C10orf71: variants seen among roughly 807,000 people sequenced by gnomAD.
The protein encoded by C10orf71 is cardiac-enriched FHL2-interacting protein.
For missense variants in C10orf71, 1,869 were observed against 1,804.5 expected (o/e 1.04, Z -0.65); for synonymous variants, 758 against 726.3 (o/e 1.04, Z -0.70).
At position 49,326,589 on chromosome 10, in the gene C10orf71, G is replaced by T; in HGVS notation, c.4044G>T (p.Pro1348=). 1 of 1,550,332 alleles carries T rather than the reference G, an allele frequency of 6.5e-7. No homozygotes were observed. Reference sequence around the variant, plus strand: ...CAGTGCCCGTGACGGCCTTGATGCCGCTGCGCTGCTCCTCTCAGCTCTCCG... The same window carrying T: ...CAGTGCCCGTGACGGCCTTGATGCCTCTGCGCTGCTCCTCTCAGCTCTCCG... ...FQPVPVTALM[P]LRCSSQLSAP... Residue 1348 remains proline (P), a synonymous_variant, in exon 3 of 3, where the codon CCG becomes CCT. Transcript: ENST00000374144.
chr10:49,325,542 G>C lies in C10orf71; in HGVS notation c.2997G>C (p.Trp999Cys), dbSNP rs1849212472. The change falls in exon 3 of 3, where the codon TGG becomes TGC. Residue 999 changes from tryptophan to cysteine, a missense_variant. By Grantham distance (215) the Trp-to-Cys change is radical (BLOSUM62 -2). Transcript: ENST00000374144. Reference sequence around the variant, plus strand: ...ACTCAGGGAAGCTGGCAGCCCCATGGCACATCCCCACCATTGCTTTACCCG... The same window carrying C: ...ACTCAGGGAAGCTGGCAGCCCCATGCCACATCCCCACCATTGCTTTACCCG... ...SADSGKLAAPWHIPTIALPEG... is the reference protein window; with the variant it reads ...SADSGKLAAPCHIPTIALPEG... 6 of 1,550,440 alleles carry C rather than the reference G, an allele frequency of 3.9e-6. No homozygotes were observed. The East Asian group carries it at 1.5e-4, about 38-fold the overall frequency.
At chr10:49,315,260 G>A (rs1306235551) in intron 1 of C10orf71, among the ~76,000 whole-genome samples, 1 of 152,166 alleles carries the variant, frequency 6.6e-6, no homozygotes, top group African/African-American at 2.4e-5. Flanking sequence ...ATATCCAGGA[G>A]CTACAAGCTG....
intron 2 of C10orf71, among the ~76,000 whole-genome samples, chr10:49,317,662 A>T (rs1849022273): frequency 6.6e-6 from 1 of 152,142 alleles, no homozygotes; most frequent in African/African-American, 2.4e-5. Flanking sequence ...ACAAGCCAGA[A>T]CAACATGGTG....
intron 2 of C10orf71, among the ~76,000 whole-genome samples, chr10:49,319,031 C>A (rs903735476): frequency 1.3e-5 from 2 of 152,328 alleles, no homozygotes; most frequent in African/African-American, 4.8e-5. Flanking sequence ...CTCAGCTCTG[C>A]TGCTGTGAAT....
intron 1 of C10orf71, among the ~76,000 whole-genome samples, chr10:49,309,911 T>G (rs944954468): frequency 6.6e-6 from 1 of 152,228 alleles, no homozygotes; most frequent in African/African-American, 2.4e-5. Flanking sequence ...CCATCTCCAC[T>G]GTCTTCCTGT....
At chr10:49,301,557 T>C (rs1240871494) in intron 1 of C10orf71, among the ~76,000 whole-genome samples, 1 of 152,136 alleles carries the variant, frequency 6.6e-6, no homozygotes, top group Non-Finnish European at 1.5e-5. Context: ...ATTTAAGTCA[T>C]TGGTATCACT....
intron 2 of C10orf71, among the ~76,000 whole-genome samples, chr10:49,317,832 C>T (rs1849024996): frequency 6.6e-6 from 1 of 151,940 alleles, no homozygotes; most frequent in African/African-American, 2.4e-5. Flanking sequence ...GCCTGGGTGA[C>T]AGAATGAAAA....
chr10:49,309,559 T>G (rs765192940), intron 1 of C10orf71, among the ~76,000 whole-genome samples: 20 of 152,192 alleles, frequency 1.3e-4, no homozygotes, highest in Admixed American at 7.2e-4. Flanking sequence ...GACATTCTCC[T>G]CATAAAGCAT....
At chr10:49,300,467 A>C (rs1357518958) in intron 1 of C10orf71, among the ~76,000 whole-genome samples, 1 of 151,510 alleles carries the variant, frequency 6.6e-6, no homozygotes, top group Non-Finnish European at 1.5e-5. Context: ...AATACAAAAA[A>C]AAAAAAAAAA....
chr10:49,315,876 T>G (rs78164861), intron 1 of C10orf71, among the ~76,000 whole-genome samples: 1 of 151,980 alleles, frequency 6.6e-6, no homozygotes, highest in Non-Finnish European at 1.5e-5. Context: ...GCCAATATGG[T>G]GAAACCCCAT....
Position 49,323,366 on chromosome 10 carries a change from AT to A in C10orf71, c.822del (p.Asn274LysfsTer39). 6.2e-7 allele frequency: 1 copy of A among 1,613,976 alleles called. No homozygotes were observed. Among genetic ancestry groups the A allele is most frequent in the Non-Finnish European group, 8.5e-7 (1 of 1,179,866 alleles). ...RGKGTFLHSE[N>X]SAFESWNAHQ... The stretch of plus-strand genomic sequence containing the variant: ...AAAGGTACCTTTCTGCACAGTGAAA[AT>A]AGTGCTTTTGAGTCATGGAATGCCC... On this transcript the variant is annotated frameshift_variant, in exon 3 of 3. Transcript: ENST00000374144. LOFTEE classifies it low-confidence loss of function (END_TRUNC).
upstream of C10orf71, among the ~76,000 whole-genome samples, chr10:49,297,682 G>T (rs1266711363): frequency 1.3e-5 from 2 of 152,234 alleles, no homozygotes; most frequent in Admixed American, 6.5e-5. Flanking sequence ...TGAGGCTCAG[G>T]AAGGGTAAGT....
Position 49,325,780 on chromosome 10 carries a change from T to G in C10orf71, c.3235T>G (p.Ser1079Ala). ...TGCTGCCAGCAACATTTGGGAGGAG[T>G]CTTCCCAGGCCCCTGGAGGACCAGA... is the stretch of plus-strand genomic sequence containing the variant. ...SPAASNIWEESSQAPGGPELL... is the reference protein window; with the variant it reads ...SPAASNIWEEASQAPGGPELL... The change falls in exon 3 of 3, where the codon TCT (serine) becomes GCT (alanine). Residue 1079 changes from serine to alanine, a missense_variant. Coordinates refer to ENST00000374144, the MANE Select transcript of C10orf71 (RefSeq NM_001135196.2). 6.4e-7 allele frequency: 1 copy of G among 1,550,816 alleles called. No homozygotes were observed. Among genetic ancestry groups the G allele is most frequent in the African/African-American group, 1.4e-5 (1 of 72,890 alleles).
At chr10:49,315,986 G>T (rs149512717) in intron 1 of C10orf71, among the ~76,000 whole-genome samples, 159 bp from the exon 2 acceptor site, 2 of 152,304 alleles carry the variant, frequency 1.3e-5, no homozygotes, top group East Asian at 3.9e-4. Context: ...AACCCAGGAG[G>T]CAGATGTTGC....
intron 1 of C10orf71, among the ~76,000 whole-genome samples, chr10:49,300,852 G>C (rs1848717142): frequency 1.3e-5 from 2 of 152,214 alleles, no homozygotes; most frequent in Non-Finnish European, 1.5e-5. Flanking sequence ...TGGGTAAGAA[G>C]GGGGCTGGTA....
At chr10:49,319,697 T>TA (rs1564688223) in intron 2 of C10orf71, among the ~76,000 whole-genome samples, 1 of 18,382 alleles carries the variant, frequency 5.4e-5, no homozygotes, top group Non-Finnish European at 1.3e-4. Flanking sequence ...TATATATATA[T>TA]ATATATATAT....
intron 1 of C10orf71, among the ~76,000 whole-genome samples, chr10:49,301,355 C>G (rs911540815): frequency 6.6e-6 from 1 of 152,208 alleles, no homozygotes; most frequent in Non-Finnish European, 1.5e-5. Flanking sequence ...GTCTTTATCT[C>G]AATCATATGC....
chr10:49,302,370 C>T (rs1428746183), intron 1 of C10orf71, among the ~76,000 whole-genome samples: 1 of 152,224 alleles, frequency 6.6e-6, no homozygotes, highest in Non-Finnish European at 1.5e-5. Context: ...CCGAAGACTG[C>T]AGAGGTCAAG....
chr10:49,315,560 C>T (rs1271740344), intron 1 of C10orf71, among the ~76,000 whole-genome samples: 1 of 152,146 alleles, frequency 6.6e-6, no homozygotes, highest in Non-Finnish European at 1.5e-5. Context: ...TAATTCACAA[C>T]TGGGTCAATC....
Sources: allele counts gnomAD v4.1 joint callset (sites outside exome capture counted in the v4.1 genomes callset), GRCh38; gene constraint gnomAD v4.1.1; transcripts MANE v1.5; gene names NCBI Gene and HGNC (gene_info 2026-07-23, HGNC 2026-07-21).